CRB1: variants seen among roughly 807,000 people sequenced by gnomAD.
The protein encoded by CRB1 is crumbs cell polarity complex component 1.
Under a neutral mutation model 120.0 loss-of-function variants are expected in CRB1, and 83 were observed. That is an observed-to-expected ratio of 0.69 (90% CI 0.58 to 0.83). The LOEUF (loss-of-function observed/expected upper bound fraction) is 0.83. CRB1 is among the 40% of genes least tolerant of loss of function. The pLI is 0.00. For synonymous variants in CRB1, 625 were observed against 612.5 expected (o/e 1.02, Z -0.30); for missense variants, 1,699 against 1,687.6 (o/e 1.01, Z -0.12).
chr1:197,278,621 A>G (rs967339412), intron 1 of CRB1, among the ~76,000 whole-genome samples: 1 of 151,906 alleles, frequency 6.6e-6, no homozygotes, highest in Non-Finnish European at 1.5e-5. Flanking sequence ...AAAGCAGGTC[A>G]TGTGGCTAAG....
At chr1:197,383,237 T>C (rs1051592622) in intron 5 of CRB1, among the ~76,000 whole-genome samples, 1 of 152,208 alleles carries the variant, frequency 6.6e-6, no homozygotes, top group Admixed American at 6.5e-5. Context: ...AGAGTTTCCA[T>C]AGGAACTCAA....
Position 197,347,771 on chromosome 1 carries a change from G to A in CRB1, c.988+292G>A, listed in dbSNP as rs1000290957. On this transcript the variant is annotated intron_variant, in intron 4 of 11. Coordinates refer to ENST00000367400, the MANE Select transcript of CRB1 (RefSeq NM_201253.3). ...GATCTTCATGGAGAAAAATTCACTG[G>A]AAGATGCTCTTTTCTTCCAAGATGT... Among the ~76,000 whole-genome samples the A allele has an allele frequency of 2.6e-5, 4 of 152,120 alleles. No homozygotes were observed. In the East Asian group the frequency reaches 7.7e-4, roughly 29 times the overall value.
chr1:197,316,392 G>T (rs1355823521), intron 1 of CRB1, among the ~76,000 whole-genome samples: 2 of 77,114 alleles, frequency 2.6e-5, no homozygotes, highest in East Asian at 2.5e-3. Flanking sequence ...CACCGTGTTA[G>T]CCAAGATGGT....
intron 1 of CRB1, among the ~76,000 whole-genome samples, chr1:197,292,903 G>C (rs1176929001): frequency 6.6e-6 from 1 of 152,056 alleles, no homozygotes; most frequent in Admixed American, 6.6e-5. Context: ...GGTATTGATG[G>C]GACATATCTC....
intron 10 of CRB1, 84 bp from the exon 11 acceptor site, chr1:197,442,082 A>G: frequency 1.3e-6 from 2 of 1,548,134 alleles, no homozygotes; most frequent in Non-Finnish European, 1.8e-6. Context: ...TGTTCCAGAG[A>G]GATAAGGCAA....
At chr1:197,237,921 T>C in the CRB1 span, among the ~76,000 whole-genome samples, 3 of 152,146 alleles carry the variant, frequency 2.0e-5, no homozygotes, top group African/African-American at 4.8e-5. Flanking sequence ...TTTTCTAGGT[T>C]CTTGAGACAG....
At chr1:197,392,296 CT>C (rs1428832610) in intron 5 of CRB1, among the ~76,000 whole-genome samples, 1 of 151,864 alleles carries the variant, frequency 6.6e-6, no homozygotes, top group Non-Finnish European at 1.5e-5. Flanking sequence ...TAATTTCCTT[CT>C]TTAAAGTGAG....
intron 11 of CRB1, among the ~76,000 whole-genome samples, chr1:197,472,599 A>C (rs1257408113): frequency 6.6e-6 from 1 of 152,182 alleles, no homozygotes; most frequent in East Asian, 1.9e-4. Flanking sequence ...ATCGGCCCTA[A>C]ATATCATGAA....
chr1:197,418,304 C>T (rs191407252), intron 5 of CRB1, among the ~76,000 whole-genome samples: 17 of 152,250 alleles, frequency 1.1e-4, no homozygotes, highest in Admixed American at 5.9e-4. Flanking sequence ...TTAGAATATA[C>T]TGTAGTTTAC....
intron 11 of CRB1, among the ~76,000 whole-genome samples, chr1:197,448,789 T>G (rs1328488226): frequency 6.6e-6 from 1 of 152,220 alleles, no homozygotes; most frequent in Non-Finnish European, 1.5e-5. Context: ...TGCTTATTAT[T>G]TGGTAATTAT....
chr1:197,476,003 G>C (rs960748775), intron 11 of CRB1, among the ~76,000 whole-genome samples: 2 of 151,948 alleles, frequency 1.3e-5, no homozygotes, highest in Non-Finnish European at 2.9e-5. Context: ...TCCGCATCTC[G>C]GGTTCAAGCG....
At chr1:197,385,027 T>C (rs1023774157) in intron 5 of CRB1, among the ~76,000 whole-genome samples, 1 of 151,942 alleles carries the variant, frequency 6.6e-6, no homozygotes, top group Admixed American at 6.6e-5. Context: ...GTCTGAGGAG[T>C]TTCCAGGGAG....
chr1:197,402,150 G>C (rs1243998345), intron 5 of CRB1, among the ~76,000 whole-genome samples: 1 of 152,058 alleles, frequency 6.6e-6, no homozygotes, highest in Non-Finnish European at 1.5e-5. Flanking sequence ...TCATGCAGGT[G>C]CTAAGCCTAG....
the CRB1 span, among the ~76,000 whole-genome samples, chr1:197,201,524 G>A: frequency 6.6e-6 from 1 of 152,156 alleles, no homozygotes; most frequent in Non-Finnish European, 1.5e-5. Context: ...GGAGACCCTA[G>A]CTACACGCCG....
At chr1:197,377,196 GCA>G (rs1661696249) in intron 5 of CRB1, among the ~76,000 whole-genome samples, 1 of 151,538 alleles carries the variant, frequency 6.6e-6, no homozygotes. Context: ...GTGATCTTAC[GCA>G]CACACACAGA....
chr1:197,311,486 A>C (rs1168596472), intron 1 of CRB1, among the ~76,000 whole-genome samples: 1 of 152,216 alleles, frequency 6.6e-6, no homozygotes, highest in African/African-American at 2.4e-5. Context: ...GCTTTCCAAG[A>C]TTATACAAAA....
chr1:197,361,741 C>T (rs541668483), intron 5 of CRB1, among the ~76,000 whole-genome samples: 2 of 151,824 alleles, frequency 1.3e-5, no homozygotes, highest in Admixed American at 1.3e-4. Flanking sequence ...CACCTTTTTA[C>T]AGGTTTATCA....
At position 197,421,892 on chromosome 1, in the gene CRB1, C is replaced by T; in HGVS notation, c.2064C>T (p.Ile688=). Residue 688 remains isoleucine, a synonymous_variant, in exon 6 of 12, where the codon ATC becomes ATT. Coordinates refer to ENST00000367400, the MANE Select transcript of CRB1 (RefSeq NM_201253.3). ...SQPCQSRGRC[I]NLWLSYQCDC... ...CTTGTCAAAGCAGAGGACGCTGCATCAACTTGTGGCTGAGTTACCAGTGTG... is the reference window on the plus strand; with the variant it reads ...CTTGTCAAAGCAGAGGACGCTGCATTAACTTGTGGCTGAGTTACCAGTGTG... The T allele has an allele frequency of 6.2e-7, 1 of 1,614,210 alleles. No individual in the cohort carries two copies. Among genetic ancestry groups the T allele is most frequent in the Non-Finnish European group, 8.5e-7 (1 of 1,180,042 alleles).
intron 4 of CRB1, among the ~76,000 whole-genome samples, chr1:197,356,630 A>G (rs1660492621): frequency 6.6e-6 from 1 of 152,124 alleles, no homozygotes. Flanking sequence ...TTTTTGGTCA[A>G]AATTATTTAA....
Sources: allele counts gnomAD v4.1 joint callset (sites outside exome capture counted in the v4.1 genomes callset), GRCh38; gene constraint gnomAD v4.1.1; transcripts MANE v1.5; gene names NCBI Gene and HGNC (gene_info 2026-07-23, HGNC 2026-07-21).